CD300A: variants seen among roughly 807,000 people sequenced by gnomAD.
CD300A encodes CD300a molecule, also known as CMRF35-like molecule 8.
CD300A carries 22 observed loss-of-function variants against 33.6 expected under a neutral mutation model. The ratio of observed to expected loss-of-function variants is 0.66; its 90% CI spans 0.47 to 0.94. The LOEUF (loss-of-function observed/expected upper bound fraction) is 0.94. Ranked by LOEUF, CD300A falls within the 40% of genes least tolerant of loss-of-function variation. The pLI, the probability that CD300A is intolerant of heterozygous loss-of-function variation, is 0.00. For missense variants in CD300A, 326 were observed against 360.5 expected (o/e 0.90, Z 0.77); for synonymous variants, 136 against 148.1 (o/e 0.92, Z 0.59).
chr17:74,474,803 C>A, intron 3 of CD300A, 118 bp downstream of exon 3: 1 of 1,144,330 alleles, frequency 8.7e-7, no homozygotes, highest in Non-Finnish European at 1.2e-6. Context: ...TTGCCCCAGG[C>A]CCAGGTTGGA....
intron 6 of CD300A, among the ~76,000 whole-genome samples, chr17:74,483,370 T>A (rs1406686694): frequency 6.6e-6 from 1 of 151,312 alleles, no homozygotes; most frequent in Non-Finnish European, 1.5e-5. Flanking sequence ...TTTTCTTTTT[T>A]TTTTTTGAGA....
rs560699804 is a variant in CD300A at position 74,480,909 on chromosome 17, C to T, written c.629-380C>T. Among the ~76,000 whole-genome samples, 3 of 152,102 alleles carry T rather than the reference C, an allele frequency of 2.0e-5. No individual in the cohort carries two copies. The highest frequency in any genetic ancestry group is 4.4e-5 in the Non-Finnish European group (3 of 68,012). ...ACTACAGGGCGTGTGCCACCATGCCCAGCTAATATTTGTATTTTTAGTAGA... is the reference window on the plus strand; with the variant it reads ...ACTACAGGGCGTGTGCCACCATGCCTAGCTAATATTTGTATTTTTAGTAGA... On this transcript the variant is annotated intron_variant, in intron 4 of 6. Coordinates refer to ENST00000360141, the MANE Select transcript of CD300A (RefSeq NM_007261.4). The surrounding 1 kb of genome is among the most constrained non-coding windows in gnomAD (Gnocchi z 4.2).
At chr17:74,466,870 CTCTG>C (rs1264109257) in intron 1 of CD300A, 127 bp downstream of exon 1, 4 of 1,527,092 alleles carry the variant, frequency 2.6e-6, no homozygotes, top group African/African-American at 1.4e-5. Context: ...ATGCGGTGCG[CTCTG>C]TCTACCACAT....
At chr17:74,469,757 G>A (rs980541010) in intron 1 of CD300A, among the ~76,000 whole-genome samples, 5 of 152,172 alleles carry the variant, frequency 3.3e-5, no homozygotes, top group African/African-American at 9.6e-5. Context: ...CCCAGGAGGC[G>A]GAGGTTGCAG....
upstream of CD300A, chr17:74,466,435 G>C (rs1280352944): frequency 1.8e-6 from 1 of 553,440 alleles, no homozygotes; most frequent in African/African-American, 1.9e-5. Flanking sequence ...TCACTACAGG[G>C]AGAGGTCTCA....
rs978567198 is a variant in CD300A at position 74,480,317 on chromosome 17, G to A, written c.629-972G>A. ...ACAGCATCCAGTGCAGTGGGCTCTGGGGTTGCCTGGCTGTGGACCTAACCA... is the reference window on the plus strand; with the variant it reads ...ACAGCATCCAGTGCAGTGGGCTCTGAGGTTGCCTGGCTGTGGACCTAACCA... On this transcript the variant is annotated intron_variant, in intron 4 of 6. Coordinates refer to ENST00000360141, the MANE Select transcript of CD300A (RefSeq NM_007261.4). The surrounding 1 kb of genome is among the most constrained non-coding windows in gnomAD (Gnocchi z 4.2). 2.6e-5 allele frequency among the ~76,000 whole-genome samples: 4 copies of A among 152,168 alleles called. No homozygotes were observed. Among genetic ancestry groups the A allele is most frequent in the Non-Finnish European group, 4.4e-5 (3 of 68,004 alleles).
chr17:74,484,183 G>C lies in CD300A; in HGVS notation c.*57G>C. 1 of 1,592,944 alleles carries C rather than the reference G, an allele frequency of 6.3e-7. No individual in the cohort carries two copies. Among genetic ancestry groups the C allele is most frequent in the Non-Finnish European group, 8.6e-7 (1 of 1,165,240 alleles). ...ATGGGCCCCAGGAAGTCCAGGGACA[G>C]CTCCCTTATACCTGGCCCACGTCCT... On this transcript the variant is annotated 3_prime_UTR_variant, in exon 7 of 7. Transcript: ENST00000360141.
In CD300A at chr17:74,484,079, C is replaced by T. The variant is rs779127663; in HGVS notation, c.853C>T (p.Arg285Trp). ...NTNRIAAQRP[R>W]EEEPDSDYSV... ...CAACAGGATAGCTGCTCAGAGGCCT[C>T]GGGAGGAGGAACCAGATTCAGATTA... is the stretch of plus-strand genomic sequence containing the variant. Residue 285 changes from arginine (R) to tryptophan (W), a missense_variant, in exon 7 of 7, where the codon CGG becomes TGG. Transcript: ENST00000360141. 3 of 1,613,886 alleles carry T rather than the reference C, an allele frequency of 1.9e-6. No homozygotes were observed. Among genetic ancestry groups the T allele is most frequent in the Non-Finnish European group, 2.5e-6 (3 of 1,179,956 alleles).
At chr17:74,470,812 C>T (rs1286221016) in intron 1 of CD300A, among the ~76,000 whole-genome samples, 1 of 151,816 alleles carries the variant, frequency 6.6e-6, no homozygotes, top group African/African-American at 2.4e-5. Flanking sequence ...CCATGCCTGG[C>T]TAATTTTTTG....
At chr17:74,478,470 A>G (rs1202514521) in intron 4 of CD300A, among the ~76,000 whole-genome samples, 1 of 152,226 alleles carries the variant, frequency 6.6e-6, no homozygotes, top group Non-Finnish European at 1.5e-5. Flanking sequence ...ATTAAAAGAG[A>G]GAACAGGAAC....
intron 4 of CD300A, 43 bp from the exon 5 acceptor site, chr17:74,481,246 A>G (rs1879967): frequency 0.46 from 744,567 of 1,602,394 alleles, 186,083 homozygotes; most frequent in African/African-American, 0.88. Context: ...CATCCTGGCC[A>G]TTGTTCCGGG....
At chr17:74,478,107 C>T (rs916630873) in intron 4 of CD300A, among the ~76,000 whole-genome samples, 1 of 152,224 alleles carries the variant, frequency 6.6e-6, no homozygotes, top group Non-Finnish European at 1.5e-5. Context: ...ACCTCAGCCT[C>T]TCCTCTCCTT....
chr17:74,484,171 A>G lies in CD300A; in HGVS notation c.*45A>G. ...ATCGGAGCTCTCATGGGCCCCAGGA[A>G]GTCCAGGGACAGCTCCCTTATACCT... On this transcript the variant is annotated 3_prime_UTR_variant, in exon 7 of 7. Transcript: ENST00000360141. 1 of 1,607,216 alleles carries G rather than the reference A, an allele frequency of 6.2e-7. No individual in the cohort carries two copies. The highest frequency in any genetic ancestry group is 2.2e-5 in the East Asian group (1 of 44,698).
intron 3 of CD300A, among the ~76,000 whole-genome samples, chr17:74,476,396 T>C (rs1432956176): frequency 6.6e-6 from 1 of 152,136 alleles, no homozygotes; most frequent in Non-Finnish European, 1.5e-5. Flanking sequence ...TGCCAACATA[T>C]AAGACAAGGC....
intron 2 of CD300A, 151 bp from the exon 3 acceptor site, chr17:74,474,381 G>A (rs1447703043): frequency 2.7e-6 from 2 of 731,364 alleles, no homozygotes; most frequent in Non-Finnish European, 2.3e-6. Flanking sequence ...GTTGGCCCAG[G>A]AGGGTCCTGG....
chr17:74,482,702 CTTTCTTT>C (rs759537255), intron 6 of CD300A, among the ~76,000 whole-genome samples: 21,064 of 124,658 alleles, frequency 0.17, 2,630 homozygotes, highest in African/African-American at 0.31. Context: ...TCCTTCCTTT[CTTTCTTT>C]CTTTCTTTCT....
In CD300A at chr17:74,474,586, C is replaced by G. The variant is rs749768413; in HGVS notation, c.434C>G (p.Thr145Arg). The G allele has an allele frequency of 1.9e-6, 3 of 1,614,220 alleles. No homozygotes were observed. The highest frequency in any genetic ancestry group is 2.5e-6 in the Non-Finnish European group (3 of 1,180,022). The change falls in exon 3 of 7, where the codon ACA becomes AGA. Residue 145 changes from threonine to arginine, a missense_variant. By Grantham distance (71) the Thr-to-Arg change is moderately conservative (BLOSUM62 -1). Coordinates refer to ENST00000360141, the MANE Select transcript of CD300A (RefSeq NM_007261.4). Reference protein sequence around the residue: ...SITAAKTSTITTAFPPVSSTT... With the variant: ...SITAAKTSTIRTAFPPVSSTT... ...ACTGCGGCCAAGACCTCAACAATCA[C>G]AACTGCATTTCCACCTGTATCATCC...
At chr17:74,472,680 G>A (rs927937100) in intron 1 of CD300A, among the ~76,000 whole-genome samples, 1 of 151,062 alleles carries the variant, frequency 6.6e-6, no homozygotes, top group East Asian at 2.0e-4. Flanking sequence ...TGCCATCTCA[G>A]CTCAACATAA....
chr17:74,473,665 T>A lies in CD300A; in HGVS notation c.170T>A (p.Leu57Gln). ...TGGTGCAGACCACCACAGATTTTCC[T>A]ATGTGACAAGATTGTGGAGACCAAA... ...KYWCRPPQIFLCDKIVETKGS... is the reference protein window; with the variant it reads ...KYWCRPPQIFQCDKIVETKGS... The change falls in exon 2 of 7, where the codon CTA (leucine) becomes CAA (glutamine). Residue 57 changes from leucine to glutamine, a missense_variant. Leu to Gln is a moderately radical substitution (Grantham distance 113, BLOSUM62 -2). Coordinates refer to ENST00000360141, the MANE Select transcript of CD300A (RefSeq NM_007261.4). The A allele has an allele frequency of 6.2e-7, 1 of 1,614,242 alleles. No homozygotes were observed. Among genetic ancestry groups the A allele is most frequent in the South Asian group, 1.1e-5 (1 of 91,086 alleles).
Sources: allele counts gnomAD v4.1 joint callset (sites outside exome capture counted in the v4.1 genomes callset), GRCh38; gene constraint gnomAD v4.1.1; non-coding constraint Gnocchi (gnomAD v3.1); transcripts MANE v1.5; gene names NCBI Gene and HGNC (gene_info 2026-07-23, HGNC 2026-07-21).